ASIC2: variants seen among roughly 807,000 people sequenced by gnomAD.
ASIC2 encodes acid-sensing ion channel 2.
A neutral mutation model predicts 57.3 loss-of-function variants in ASIC2; 25 were observed. That is an observed-to-expected ratio of 0.44 (90% CI 0.32 to 0.61). The LOEUF is 0.61. ASIC2 is among the 20% of genes least tolerant of loss of function. The pLI, the probability that ASIC2 is intolerant of heterozygous loss-of-function variation, is 0.06. For missense variants in ASIC2, 641 were observed against 738.1 expected (o/e 0.87, Z 1.52); for synonymous variants, 319 against 307.5 (o/e 1.04, Z -0.39).
intron 1 of ASIC2, among the ~76,000 whole-genome samples, chr17:34,086,697 G>A (rs1483052636): frequency 6.6e-6 from 1 of 152,126 alleles, no homozygotes; most frequent in Non-Finnish European, 1.5e-5. Flanking sequence ...GGTCACTCAG[G>A]ACTTGCTTTA....
chr17:33,338,065 T>C (rs1212890845), intron 1 of ASIC2, among the ~76,000 whole-genome samples: 2 of 151,766 alleles, frequency 1.3e-5, no homozygotes, highest in African/African-American at 2.4e-5. Context: ...ATGTTCCTTC[T>C]GAGGTGTTCT....
chr17:33,500,131 A>G (rs1431929947), intron 1 of ASIC2, among the ~76,000 whole-genome samples: 1 of 152,240 alleles, frequency 6.6e-6, no homozygotes, highest in Non-Finnish European at 1.5e-5. Flanking sequence ...AGGAAAAGCT[A>G]TAATAATCAC....
At chr17:33,413,966 TG>T (rs1910749943) in intron 1 of ASIC2, among the ~76,000 whole-genome samples, 1 of 152,132 alleles carries the variant, frequency 6.6e-6, no homozygotes, top group Non-Finnish European at 1.5e-5. Context: ...GGCCAGGACT[TG>T]GGGAAGGCAG....
chr17:33,781,949 C>G (rs965888899), intron 1 of ASIC2, among the ~76,000 whole-genome samples: 1 of 152,154 alleles, frequency 6.6e-6, no homozygotes, highest in African/African-American at 2.4e-5. Context: ...ACCGGTGGCT[C>G]TCTTATAGAT....
intron 1 of ASIC2, among the ~76,000 whole-genome samples, chr17:33,982,902 A>G (rs540987585): frequency 2.0e-5 from 3 of 152,360 alleles, no homozygotes; most frequent in African/African-American, 7.2e-5. Context: ...TATACACATT[A>G]TGTGTATACA....
intron 1 of ASIC2, among the ~76,000 whole-genome samples, chr17:33,644,142 C>G (rs1906670423): frequency 6.6e-6 from 1 of 152,202 alleles, no homozygotes. Context: ...TCTTATCTCA[C>G]TGTAGGCTTT....
chr17:33,394,216 G>C (rs1354904878), intron 1 of ASIC2, among the ~76,000 whole-genome samples: 1 of 152,218 alleles, frequency 6.6e-6, no homozygotes, highest in Non-Finnish European at 1.5e-5. Flanking sequence ...CATCCCTGGG[G>C]GAGCCCAGTG....
chr17:33,768,534 C>T (rs536006872), intron 1 of ASIC2, among the ~76,000 whole-genome samples: 92 of 152,136 alleles, frequency 6.0e-4, no homozygotes, highest in Non-Finnish European at 1.2e-3. Context: ...GTTGGAAATT[C>T]GCTTTAACTC....
At chr17:33,626,592 T>G (rs1028097810) in intron 1 of ASIC2, among the ~76,000 whole-genome samples, 2 of 152,168 alleles carry the variant, frequency 1.3e-5, no homozygotes, top group African/African-American at 4.8e-5. Flanking sequence ...GAAACACCAT[T>G]GATAACGGTG....
chr17:33,900,434 C>A (rs558781223), intron 1 of ASIC2, among the ~76,000 whole-genome samples: 115 of 152,238 alleles, frequency 7.6e-4, no homozygotes, highest in Admixed American at 2.3e-3. Context: ...TCTGCATGCC[C>A]TCCCAACACT....
At chr17:33,199,010 T>C (rs1341118024) in intron 1 of ASIC2, among the ~76,000 whole-genome samples, 1 of 152,220 alleles carries the variant, frequency 6.6e-6, no homozygotes, top group Non-Finnish European at 1.5e-5. Flanking sequence ...TCTGATATGC[T>C]TATTTTATTT....
intron 1 of ASIC2, among the ~76,000 whole-genome samples, chr17:33,523,376 C>T (rs1316624719): frequency 6.6e-6 from 1 of 152,170 alleles, no homozygotes; most frequent in Non-Finnish European, 1.5e-5. Context: ...CGTGCCTCAG[C>T]CTCCCGAGTA....
At chr17:34,052,165 G>C (rs1908592522) in intron 1 of ASIC2, among the ~76,000 whole-genome samples, 1 of 152,118 alleles carries the variant, frequency 6.6e-6, no homozygotes, top group Non-Finnish European at 1.5e-5. Context: ...TGAAAGCTCA[G>C]CCTCATTACA....
At chr17:33,260,747 G>A (rs557677249) in intron 1 of ASIC2, among the ~76,000 whole-genome samples, 19 of 152,282 alleles carry the variant, frequency 1.2e-4, no homozygotes, top group African/African-American at 4.6e-4. Context: ...TGCTTCCTTG[G>A]GACAGCCCCC....
chr17:33,100,730 C>T (rs1686983488), intron 2 of ASIC2, among the ~76,000 whole-genome samples: 1 of 152,202 alleles, frequency 6.6e-6, no homozygotes, highest in Non-Finnish European at 1.5e-5. Context: ...TCATCTGTAT[C>T]ACTGAGGTGC....
chr17:34,037,154 G>T (rs1907919536), intron 1 of ASIC2: 1 of 153,280 alleles, frequency 6.5e-6, no homozygotes, highest in Non-Finnish European at 1.5e-5. Flanking sequence ...ATCCCCAGCT[G>T]AGCCTTTGTG....
At chr17:33,411,139 C>T (rs1219067099) in intron 1 of ASIC2, among the ~76,000 whole-genome samples, 3 of 152,190 alleles carry the variant, frequency 2.0e-5, no homozygotes, top group Non-Finnish European at 4.4e-5. Context: ...CAAGTTGATG[C>T]TACAGACCAC....
chr17:33,148,822 G>A (rs564389818), intron 1 of ASIC2, among the ~76,000 whole-genome samples: 2 of 152,266 alleles, frequency 1.3e-5, no homozygotes, highest in East Asian at 1.9e-4. Flanking sequence ...GGCCAGGTGC[G>A]CTGGCTCACA....
intron 1 of ASIC2, among the ~76,000 whole-genome samples, chr17:33,804,920 C>A (rs922459060): frequency 1.3e-5 from 2 of 151,556 alleles, no homozygotes; most frequent in Non-Finnish European, 2.9e-5. Flanking sequence ...GTCATAAATG[C>A]ATCTGATTAG....
Sources: gnomAD v4.1 joint callset for allele counts (sites outside exome capture counted in the v4.1 genomes callset) on GRCh38, gnomAD v4.1.1 for gene constraint, MANE v1.5 for transcripts, NCBI Gene and HGNC (gene_info 2026-07-23, HGNC 2026-07-21) for gene names.